TAB3: variants seen among roughly 807,000 people sequenced by gnomAD.
TAB3 encodes the protein TGF-beta-activated kinase 1 and MAP3K7-binding protein 3.
A neutral mutation model predicts 48.1 loss-of-function variants in TAB3; 18 were observed. The ratio of observed to expected loss-of-function variants is 0.37; its 90% CI spans 0.26 to 0.55. The LOEUF (loss-of-function observed/expected upper bound fraction) is 0.55. Among genes scored for constraint, TAB3 ranks in the 20% least tolerant of loss-of-function variants. The pLI is 0.78. For synonymous variants in TAB3, 185 were observed against 190.2 expected (o/e 0.97, Z 0.22); for missense variants, 414 against 549.8 (o/e 0.75, Z 2.47).
chrX:30,863,167 T>A (rs1048992275), intron 4 of TAB3, among the ~76,000 whole-genome samples: 2 of 112,134 alleles, frequency 1.8e-5, no homozygotes, highest in Non-Finnish European at 1.9e-5. Context: ...GGATTATGTA[T>A]GTAATCTTAA....
At chrX:30,872,836 AGAT>A (rs1310627345) in intron 1 of TAB3, among the ~76,000 whole-genome samples, 1 of 112,330 alleles carries the variant, frequency 8.9e-6, no homozygotes, top group Admixed American at 9.4e-5. Flanking sequence ...TGAAATGACC[AGAT>A]GATATGTGCC....
At chrX:30,851,004 G>C (rs1334272438) in intron 7 of TAB3, among the ~76,000 whole-genome samples, 1 of 111,724 alleles carries the variant, frequency 9.0e-6, no homozygotes, top group African/African-American at 3.3e-5. Flanking sequence ...ACTACGGGTG[G>C]ATTCCCATAT....
rs745963325 is a variant in TAB3, at chrX:30,855,108, T to A, written c.557A>T (p.His186Leu). The change falls in exon 6 of 11, where the codon CAC becomes CTC. Residue 186 changes from histidine to leucine, a missense_variant. Transcript: ENST00000288422. Reference protein sequence around the residue: ...SPPPPPPSYMHIPRYSTNPIT... With the variant: ...SPPPPPPSYMLIPRYSTNPIT... ...TGGATTTGTACTATACCGAGGTATGTGCATGTATGAAGGAGGTGGCGGTGG... is the reference window on the plus strand; with the variant it reads ...TGGATTTGTACTATACCGAGGTATGAGCATGTATGAAGGAGGTGGCGGTGG... 8.3e-7 allele frequency: 1 copy of A among 1,209,883 alleles called. No homozygotes were observed. Among genetic ancestry groups the A allele is most frequent in the Non-Finnish European group, 1.1e-6 (1 of 895,188 alleles).
intron 1 of TAB3, among the ~76,000 whole-genome samples, chrX:30,874,879 G>A (rs746944527): frequency 3.6e-5 from 4 of 112,202 alleles, no homozygotes; most frequent in African/African-American, 9.7e-5. Context: ...AAGCAAAGAC[G>A]CATCTCTTTT....
At chrX:30,850,484 G>A (rs895546882) in intron 7 of TAB3, among the ~76,000 whole-genome samples, 2 of 110,638 alleles carry the variant, frequency 1.8e-5, no homozygotes, top group South Asian at 3.8e-4. Context: ...AGGCCGAGGC[G>A]GGCAGATCAC....
Position 30,855,255 on chromosome X carries a change from T to C in TAB3, c.410A>G (p.Tyr137Cys), listed in dbSNP as rs1939023505. The C allele has an allele frequency of 9.9e-6, 12 of 1,211,299 alleles. No homozygotes were observed. The highest frequency in any genetic ancestry group is 1.3e-5 in the Non-Finnish European group (12 of 895,421). The stretch of plus-strand genomic sequence containing the variant: ...CTGTTCGTTCATAAAAAATGGATTG[T>C]AGTTGGGAGTAGCAGCAACAACAGC... ...APAVVAATPN[Y>C]NPFFMNEQNR... Residue 137 changes from tyrosine to cysteine, a missense_variant, in exon 6 of 11, where the codon TAC becomes TGC. Transcript: ENST00000288422.
chrX:30,868,537 CT>C (rs1480234171), intron 2 of TAB3, among the ~76,000 whole-genome samples: 1 of 773 alleles, frequency 1.3e-3, no homozygotes, highest in Admixed American at 0.023. Context: ...ATATATATAG[CT>C]TATATATATA....
At chrX:30,831,603 G>A (rs754845352) in intron 10 of TAB3, 28 bp from the exon 11 acceptor site, 2 of 1,193,266 alleles carry the variant, frequency 1.7e-6, no homozygotes, top group African/African-American at 1.7e-5. Context: ...TAAGGGGGAG[G>A]GGGAAGGTAA....
Position 30,846,634 on chromosome X carries a change from A to G in TAB3, c.1721T>C (p.Met574Thr). 1 of 1,191,794 alleles carries G rather than the reference A, an allele frequency of 8.4e-7. No homozygotes were observed. The highest frequency in any genetic ancestry group is 1.1e-6 in the Non-Finnish European group (1 of 881,589). The change falls in exon 8 of 11, where the codon ATG (methionine) becomes ACG (threonine). Residue 574 changes from methionine (M) to threonine (T), a missense_variant. Met to Thr is a moderately conservative substitution (Grantham distance 81, BLOSUM62 -1). Coordinates refer to ENST00000288422, the MANE Select transcript of TAB3 (RefSeq NM_152787.5). ...CTTAIPTPEEMTRLRSMNRQL... is the reference protein window; with the variant it reads ...CTTAIPTPEETTRLRSMNRQL... Reference sequence around the variant, plus strand: ...TCTGTTCATGCTTCTCAATCTTGTCATTTCCTCAGGCTAGTAAGAAAGGAC... The same window carrying G: ...TCTGTTCATGCTTCTCAATCTTGTCGTTTCCTCAGGCTAGTAAGAAAGGAC...
intron 9 of TAB3, 143 bp from the exon 10 acceptor site, chrX:30,834,295 C>T: frequency 2.1e-6 from 1 of 486,807 alleles, no homozygotes; most frequent in Admixed American, 3.5e-5. Flanking sequence ...TTAGCAAGGG[C>T]AGGCACCATA....
chrX:30,861,167 T>C (rs757522874), intron 4 of TAB3, among the ~76,000 whole-genome samples: 1 of 112,248 alleles, frequency 8.9e-6, no homozygotes, highest in Non-Finnish European at 1.9e-5. Flanking sequence ...CAAAAGCCTG[T>C]AGCTCTACTC....
intron 8 of TAB3, chrX:30,845,673 TAAG>T (rs913443803): frequency 8.1e-6 from 1 of 122,826 alleles, no homozygotes; most frequent in African/African-American, 3.2e-5. Flanking sequence ...AGAAAGATAT[TAAG>T]AACACTTATA....
Position 30,841,939 on chromosome X carries a change from G to T in TAB3, c.1888+1027C>A, listed in dbSNP as rs185993578. Among the ~76,000 whole-genome samples the T allele has an allele frequency of 4.4e-3, 499 of 112,137 alleles. 2 individuals carry two copies. Among genetic ancestry groups the T allele is most frequent in the African/African-American group, 0.015 (457 of 30,903 alleles). On this transcript the variant is annotated intron_variant, in intron 9 of 10. Coordinates refer to ENST00000288422, the MANE Select transcript of TAB3 (RefSeq NM_152787.5). ...TTCTCATGCCTTAGCCACCTGAGTA[G>T]CTGGGATTACAGGCGCGCGCCATCA... is the stretch of plus-strand genomic sequence containing the variant.
rs56806483 is a variant in TAB3, at chrX:30,839,965, CACTT to C, written c.1888+2997_1888+3000del. On this transcript the variant is annotated intron_variant, in intron 9 of 10. Coordinates refer to ENST00000288422, the MANE Select transcript of TAB3 (RefSeq NM_152787.5). ...ATATAATATATATTAAAAAAACACA[CACTT>C]ACTAATATTTACTGTTTTGTCTTGT... 2.5e-3 allele frequency among the ~76,000 whole-genome samples: 258 copies of C among 101,306 alleles called. 2 individuals carry two copies. The highest frequency in any genetic ancestry group is 7.6e-3 in the African/African-American group (212 of 28,010). 88.0% of individuals were successfully genotyped at this position (101,306 alleles called of 115,157 possible).
Position 30,855,311 on chromosome X carries a change from T to C in TAB3, c.354A>G (p.Ile118Met). The change falls in exon 6 of 11, where the codon ATA (isoleucine) becomes ATG (methionine). Residue 118 changes from isoleucine to methionine, a missense_variant. Transcript: ENST00000288422. ...DPQHAAGKQL[I>M]CLVQEPHSAP... is the part of the protein sequence containing the mutation. Reference sequence around the variant, plus strand: ...CTGAGTGTGGTTCTTGAACTAAACATATCAGCTGTTTACCTGCTGCATGCT... The same window carrying C: ...CTGAGTGTGGTTCTTGAACTAAACACATCAGCTGTTTACCTGCTGCATGCT... The C allele has an allele frequency of 1.7e-6, 2 of 1,211,789 alleles. No homozygotes were observed. The highest frequency in any genetic ancestry group is 2.2e-6 in the Non-Finnish European group (2 of 895,520).
At chrX:30,842,076 C>G (rs1938467699) in intron 9 of TAB3, among the ~76,000 whole-genome samples, 1 of 112,439 alleles carries the variant, frequency 8.9e-6, no homozygotes, top group South Asian at 3.6e-4. Flanking sequence ...AATGACTGCA[C>G]GTGTAAATTC....
intron 1 of TAB3, among the ~76,000 whole-genome samples, chrX:30,887,238 A>G (rs1940159288): frequency 8.9e-6 from 1 of 112,402 alleles, no homozygotes; most frequent in African/African-American, 3.2e-5. Context: ...GCATGCTGAC[A>G]CAAGAGGCAA....
At position 30,831,450 on chromosome X, in the gene TAB3, A is replaced by G; in HGVS notation, c.2116T>C (p.Cys706Arg). 8.3e-7 allele frequency: 1 copy of G among 1,210,563 alleles called. No homozygotes were observed. Among genetic ancestry groups the G allele is most frequent in the Non-Finnish European group, 1.1e-6 (1 of 895,055 alleles). ...ATTCAGGTGTACCGTGGCATCTCGC[A>G]CTGCTCACAGCGATTTAGTGCTGGG... The part of the protein sequence containing the change: ...NHPALNRCEQ[C>R]EMPRYT Residue 706 changes from cysteine (C) to arginine (R), a missense_variant, in exon 11 of 11, where the codon TGC becomes CGC. By Grantham distance (180) the Cys-to-Arg change is radical. Transcript: ENST00000288422.
At position 30,855,100 on chromosome X, in the gene TAB3, G is replaced by A. The variant is rs1160315864; in HGVS notation, c.565C>T (p.Arg189Trp). The A allele has an allele frequency of 7.4e-6, 9 of 1,211,672 alleles. No individual in the cohort carries two copies. The highest frequency in any genetic ancestry group is 5.3e-5 in the South Asian group (3 of 56,959). Residue 189 changes from arginine to tryptophan, a missense_variant, in exon 6 of 11, where the codon CGG becomes TGG. Transcript: ENST00000288422. ...ACAGTAATTGGATTTGTACTATACCGAGGTATGTGCATGTATGAAGGAGGT... is the reference window on the plus strand; with the variant it reads ...ACAGTAATTGGATTTGTACTATACCAAGGTATGTGCATGTATGAAGGAGGT... ...PPPPSYMHIPRYSTNPITVTV... is the reference protein window; with the variant it reads ...PPPPSYMHIPWYSTNPITVTV...
Sources: gnomAD v4.1 joint callset for allele counts (sites outside exome capture counted in the v4.1 genomes callset) on GRCh38, gnomAD v4.1.1 for gene constraint, MANE v1.5 for transcripts, NCBI Gene and HGNC (gene_info 2026-07-23, HGNC 2026-07-21) for gene names.